The following CDC42BPB variants were observed in gnomAD, a reference collection of about 807,000 sequenced individuals.
CDC42BPB encodes the protein serine/threonine-protein kinase MRCK beta.
CDC42BPB carries 37 observed loss-of-function variants against 214.9 expected under a neutral mutation model. That is an observed-to-expected ratio of 0.17 (90% CI 0.13 to 0.23). The LOEUF (loss-of-function observed/expected upper bound fraction) is 0.23, where lower values mean the gene tolerates loss of function less well. Among genes scored for constraint, CDC42BPB ranks in the 10% least tolerant of loss-of-function variants. The probability of loss-of-function intolerance (pLI) is 1.00; values close to 1 mark genes in which losing one functional copy is unlikely to be tolerated. For synonymous variants in CDC42BPB, 931 were observed against 884.0 expected, an observed-to-expected ratio of 1.05 and a Z score of -0.94; for missense variants, 1,694 against 2,227.0, an observed-to-expected ratio of 0.76 and a Z score of 4.82.
intron 36 of CDC42BPB, among the ~76,000 whole-genome samples, chr14:102,935,550 G>A (rs145839161): frequency 6.6e-6 from 1 of 152,160 alleles, no homozygotes. Context: ...AGCACTTTGG[G>A]AGGCCAAGGC....
chr14:103,044,912 A>G (rs557564746), intron 1 of CDC42BPB, among the ~76,000 whole-genome samples: 18 of 151,318 alleles, frequency 1.2e-4, no homozygotes, highest in Admixed American at 2.0e-4. Flanking sequence ...ATTGAAGTAT[A>G]AGATGGGTCA....
At chr14:103,027,478 T>C (rs906374319) in intron 1 of CDC42BPB, among the ~76,000 whole-genome samples, 6 of 152,194 alleles carry the variant, frequency 3.9e-5, no homozygotes, top group Non-Finnish European at 7.3e-5. Context: ...GAAATGTCCA[T>C]CAACTGATAG....
intron 12 of CDC42BPB, among the ~76,000 whole-genome samples, chr14:102,973,006 T>C (rs1469800295): frequency 1.3e-5 from 2 of 152,240 alleles, no homozygotes; most frequent in African/African-American, 4.8e-5. Flanking sequence ...GCTGTCACTC[T>C]GCACTCACCA....
chr14:102,980,684 T>C, intron 8 of CDC42BPB, 89 bp downstream of exon 8: 2 of 1,254,028 alleles, frequency 1.6e-6, no homozygotes, highest in Non-Finnish European at 2.3e-6. Context: ...AGCTTTATGG[T>C]GTACTGACTT....
At chr14:102,958,910 T>C (rs1892830141) in intron 21 of CDC42BPB, among the ~76,000 whole-genome samples, 1 of 151,854 alleles carries the variant, frequency 6.6e-6, no homozygotes. Flanking sequence ...TGGGCTCAAG[T>C]GATCCTCCCA....
intron 2 of CDC42BPB, 195 bp from the exon 3 acceptor site, chr14:103,008,750 C>G (rs751708294): frequency 9.4e-5 from 87 of 921,272 alleles, no homozygotes; most frequent in Non-Finnish European, 1.1e-4. Context: ...GGACCGGCCA[C>G]GTGGGCTCCG....
intron 1 of CDC42BPB, among the ~76,000 whole-genome samples, chr14:103,056,191 A>C (rs1258310499): frequency 6.6e-6 from 1 of 152,252 alleles, no homozygotes; most frequent in East Asian, 1.9e-4. Context: ...AAGGCATGCA[A>C]AATTCAGATG....
chr14:103,035,839 C>CA (rs1327313613), intron 1 of CDC42BPB, among the ~76,000 whole-genome samples: 2 of 148,446 alleles, frequency 1.3e-5, no homozygotes, highest in African/African-American at 2.5e-5. Flanking sequence ...GACTCTGTCT[C>CA]AAAAAAAATA....
chr14:103,007,894 G>A (rs1194229620), intron 3 of CDC42BPB, among the ~76,000 whole-genome samples: 2 of 152,212 alleles, frequency 1.3e-5, no homozygotes. Context: ...TGGCCAGAGA[G>A]GAAAAGCGTG....
chr14:102,976,877 C>T (rs1222111249), intron 9 of CDC42BPB, among the ~76,000 whole-genome samples: 2 of 152,174 alleles, frequency 1.3e-5, no homozygotes, highest in Non-Finnish European at 2.9e-5. Flanking sequence ...ATTTGGTGAG[C>T]TGGCATGTAT....
intron 1 of CDC42BPB, chr14:103,041,350 A>C: frequency 2.1e-6 from 1 of 485,410 alleles, no homozygotes; most frequent in Non-Finnish European, 3.7e-6. Context: ...TATAAAAGAA[A>C]ACACAGGTAT....
At chr14:102,956,938 G>C (rs1385545650) in intron 21 of CDC42BPB, among the ~76,000 whole-genome samples, 3 of 150,574 alleles carry the variant, frequency 2.0e-5, no homozygotes, top group Non-Finnish European at 2.9e-5. Flanking sequence ...CAGCACTTTG[G>C]GAGGCTGAGG....
At chr14:102,970,007 CT>C (rs1893402195) in intron 14 of CDC42BPB, 143 bp downstream of exon 14, 2 of 585,422 alleles carry the variant, frequency 3.4e-6, no homozygotes, top group Non-Finnish European at 3.0e-6. Context: ...CACCCCCCAC[CT>C]CTCCACATGT....
chr14:103,015,584 T>A (rs746031195), intron 1 of CDC42BPB, among the ~76,000 whole-genome samples: 1 of 152,120 alleles, frequency 6.6e-6, no homozygotes, highest in Non-Finnish European at 1.5e-5. Context: ...ACCACACAGG[T>A]ACTGAGAGCA....
At chr14:103,007,002 G>A (rs939142923) in intron 3 of CDC42BPB, among the ~76,000 whole-genome samples, 1 of 152,162 alleles carries the variant, frequency 6.6e-6, no homozygotes, top group African/African-American at 2.4e-5. Context: ...TTTGGGGCGG[G>A]GAAAGGGCTG....
rs529156832 is a variant in CDC42BPB, at chr14:103,024,911, T to G, written c.176-12723A>C. Among the ~76,000 whole-genome samples the G allele has an allele frequency of 2.0e-5, 3 of 152,332 alleles. No individual in the cohort carries two copies. In the South Asian group the frequency reaches 6.2e-4, roughly 32 times the overall value. ...TTGGTATTTTTAATCCCTTGTTATT[T>G]GTCTTTACTCCCCACATAAGACTTT... On this transcript the variant is annotated intron_variant, in intron 1 of 36. Coordinates refer to ENST00000361246, the MANE Select transcript of CDC42BPB (RefSeq NM_006035.4).
chr14:102,960,926 C>A (rs1284346728), intron 20 of CDC42BPB, among the ~76,000 whole-genome samples: 1 of 151,898 alleles, frequency 6.6e-6, no homozygotes, highest in Admixed American at 6.6e-5. Context: ...TTGGGAGACA[C>A]GGCAGTCAGA....
At chr14:103,047,670 G>A (rs112793690) in intron 1 of CDC42BPB, among the ~76,000 whole-genome samples, 6 of 152,120 alleles carry the variant, frequency 3.9e-5, no homozygotes, top group South Asian at 2.1e-4. Flanking sequence ...TGGGGAGGCC[G>A]AAGCGGGCAG....
intron 1 of CDC42BPB, among the ~76,000 whole-genome samples, chr14:103,013,822 T>C (rs1886295831): frequency 6.6e-6 from 1 of 152,100 alleles, no homozygotes; most frequent in East Asian, 1.9e-4. Context: ...GAGATAAATA[T>C]CTGTTGTTTA....
Sources: allele counts gnomAD v4.1 joint callset (sites outside exome capture counted in the v4.1 genomes callset), GRCh38; gene constraint gnomAD v4.1.1; transcripts MANE v1.5; gene names NCBI Gene and HGNC (gene_info 2026-07-23, HGNC 2026-07-21).